Variants in PDE1C observed in about 807,000 individuals in gnomAD.
The protein encoded by PDE1C is phosphodiesterase 1C.
In PDE1C, 62 loss-of-function variants were observed where a neutral mutation model predicts 93.1. The ratio of observed to expected loss-of-function variants is 0.67; its 90% CI spans 0.54 to 0.82. The LOEUF is 0.82. Among genes scored for constraint, PDE1C ranks in the 40% least tolerant of loss-of-function variants. The pLI, the probability that PDE1C is intolerant of heterozygous loss-of-function variation, is 0.00. For synonymous variants in PDE1C, 325 were observed against 310.1 expected (o/e 1.05, Z -0.50); for missense variants, 742 against 884.6 (o/e 0.84, Z 2.04).
chr7:32,297,683 C>G (rs915915649), intron 1 of PDE1C, among the ~76,000 whole-genome samples: 3 of 152,174 alleles, frequency 2.0e-5, no homozygotes, highest in African/African-American at 7.2e-5. Flanking sequence ...CCTCTGGTCC[C>G]CCTCTTGGTG....
chr7:31,732,653 TGTGTGTGTGTGTG>T, the PDE1C span, among the ~76,000 whole-genome samples: 1 of 148,276 alleles, frequency 6.7e-6, no homozygotes, highest in Non-Finnish European at 1.5e-5. Flanking sequence ...TGTGTGTGTG[TGTGTGTGTGTGTG>T]TGTGTGTGTG....
intron 2 of PDE1C, among the ~76,000 whole-genome samples, chr7:32,001,035 A>G (rs1461391345): frequency 6.6e-6 from 1 of 151,886 alleles, no homozygotes; most frequent in Non-Finnish European, 1.5e-5. Context: ...GGGAGGGTGG[A>G]GACAGCAAAA....
intron 2 of PDE1C, among the ~76,000 whole-genome samples, chr7:31,988,262 C>A (rs115627492): frequency 0.042 from 6,424 of 152,300 alleles, 144 homozygotes; most frequent in South Asian, 0.089. Flanking sequence ...TGCCCAGACG[C>A]CTACAGTAAA....
At chr7:31,754,050 C>T (rs968101637) in intron 17 of PDE1C, among the ~76,000 whole-genome samples, 4 of 150,680 alleles carry the variant, frequency 2.7e-5, no homozygotes, top group Non-Finnish European at 5.9e-5. Flanking sequence ...ATTCTTAAAG[C>T]TCAAGAAAAA....
chr7:31,955,482 A>C (rs1418620509), intron 2 of PDE1C, among the ~76,000 whole-genome samples: 2 of 152,212 alleles, frequency 1.3e-5, no homozygotes, highest in Admixed American at 1.3e-4. Flanking sequence ...TAAAGAACTT[A>C]AAAAGTTTAG....
At chr7:32,314,379 A>G (rs569042830) in intron 1 of PDE1C, among the ~76,000 whole-genome samples, 96 of 152,338 alleles carry the variant, frequency 6.3e-4, no homozygotes, top group Non-Finnish European at 1.1e-3. Context: ...TTAGCAGGCC[A>G]GCAAACTTTG....
chr7:32,107,056 T>G (rs1339101427), intron 3 of PDE1C, among the ~76,000 whole-genome samples: 1 of 150,190 alleles, frequency 6.7e-6, no homozygotes, highest in African/African-American at 2.4e-5. Flanking sequence ...ATGACTTTGG[T>G]GGACTCATCA....
chr7:32,423,803 A>C (rs1255731263), intron 1 of PDE1C, among the ~76,000 whole-genome samples: 2 of 152,238 alleles, frequency 1.3e-5, no homozygotes, highest in Non-Finnish European at 2.9e-5. Context: ...AGCACTTGAC[A>C]CATCTTTTCA....
chr7:31,692,178 A>T, the PDE1C span, among the ~76,000 whole-genome samples: 1 of 152,158 alleles, frequency 6.6e-6, no homozygotes, highest in Non-Finnish European at 1.5e-5. Flanking sequence ...TTGATACATG[A>T]CAATTATGAA....
intron 2 of PDE1C, among the ~76,000 whole-genome samples, chr7:31,992,218 C>A (rs142785399): frequency 1.5e-3 from 221 of 152,330 alleles, no homozygotes; most frequent in Non-Finnish European, 2.6e-3. Context: ...TGAAACACTT[C>A]CTGTGTGTGC....
chr7:31,689,440 C>A, the PDE1C span, among the ~76,000 whole-genome samples: 3 of 152,140 alleles, frequency 2.0e-5, no homozygotes, highest in Admixed American at 2.0e-4. Context: ...ATGAAACCTT[C>A]CCTGGGCAGC....
At chr7:31,677,943 T>C in the PDE1C span, among the ~76,000 whole-genome samples, 37 of 152,266 alleles carry the variant, frequency 2.4e-4, no homozygotes, top group African/African-American at 8.4e-4. Context: ...AGATAGCAGA[T>C]TGTAAAATCA....
At chr7:32,146,898 A>G (rs1305143350) in intron 3 of PDE1C, among the ~76,000 whole-genome samples, 2 of 152,208 alleles carry the variant, frequency 1.3e-5, no homozygotes, top group South Asian at 2.1e-4. Flanking sequence ...TTGTTCTCAT[A>G]TATTGTTTAT....
intron 1 of PDE1C, among the ~76,000 whole-genome samples, chr7:32,279,024 G>A (rs1053606282): frequency 6.6e-6 from 1 of 152,168 alleles, no homozygotes; most frequent in African/African-American, 2.4e-5. Context: ...GTATACTTAA[G>A]AGGAATTTAT....
chr7:31,859,546 A>T (rs1047950781), intron 7 of PDE1C, among the ~76,000 whole-genome samples: 2 of 151,760 alleles, frequency 1.3e-5, no homozygotes, highest in African/African-American at 4.8e-5. Flanking sequence ...AAATGTTCAC[A>T]GCTCACTTTA....
chr7:32,271,012 C>T (rs1482203415), intron 1 of PDE1C, among the ~76,000 whole-genome samples: 1 of 151,952 alleles, frequency 6.6e-6, no homozygotes, highest in Non-Finnish European at 1.5e-5. Flanking sequence ...GTGACGGGAG[C>T]CTGTAATCCC....
the PDE1C span, among the ~76,000 whole-genome samples, chr7:31,681,385 AT>A: frequency 4.0e-5 from 6 of 150,180 alleles, no homozygotes; most frequent in African/African-American, 9.8e-5. Flanking sequence ...GGATGGATGG[AT>A]GGATGGATGG....
At chr7:32,208,608 G>T (rs1369757033) in intron 2 of PDE1C, among the ~76,000 whole-genome samples, 1 of 152,196 alleles carries the variant, frequency 6.6e-6, no homozygotes, top group African/African-American at 2.4e-5. Flanking sequence ...AGCCAGTGAG[G>T]CAGTGATAAA....
At chr7:31,936,824 C>G (rs1269293832) in intron 2 of PDE1C, among the ~76,000 whole-genome samples, 3 of 152,058 alleles carry the variant, frequency 2.0e-5, no homozygotes, top group Admixed American at 2.0e-4. Context: ...GTTTATTTTG[C>G]CAAGGTTAAG....
Sources: allele counts gnomAD v4.1 joint callset (sites outside exome capture counted in the v4.1 genomes callset), GRCh38; gene constraint gnomAD v4.1.1; transcripts MANE v1.5; gene names NCBI Gene and HGNC (gene_info 2026-07-23, HGNC 2026-07-21).